Variants in ELMO1 observed in about 807,000 individuals in gnomAD.
ELMO1 encodes engulfment and cell motility 1.
In ELMO1, 26 loss-of-function variants were observed where a neutral mutation model predicts 98.9. The observed-to-expected ratio is 0.26, with a 90% CI of 0.19 to 0.36. The LOEUF (loss-of-function observed/expected upper bound fraction) is 0.36. ELMO1 is among the 10% of genes least tolerant of loss of function. ELMO1 has a pLI of 1.00. For missense variants in ELMO1, 627 were observed against 935.2 expected (o/e 0.67, Z 4.30); for synonymous variants, 346 against 346.0 (o/e 1.00, Z 0.00).
At chr7:37,183,521 G>A (rs1411918869) in intron 13 of ELMO1, among the ~76,000 whole-genome samples, 3 of 150,714 alleles carry the variant, frequency 2.0e-5, no homozygotes, top group African/African-American at 7.3e-5. Flanking sequence ...GATAAGAAAG[G>A]CCTAGAAAAG....
rs188567412 is a variant in ELMO1, at chr7:37,054,130, T to C, written c.1301-40695A>G. Among the ~76,000 whole-genome samples, 218 of 152,354 alleles carry C rather than the reference T, an allele frequency of 1.4e-3. 1 individual carries two copies. The highest frequency in any genetic ancestry group is 5.1e-3 in the African/African-American group (212 of 41,576). On this transcript the variant is annotated intron_variant, in intron 15 of 21. Coordinates refer to ENST00000310758, the MANE Select transcript of ELMO1 (RefSeq NM_014800.11). The stretch of plus-strand genomic sequence containing the variant: ...TCCTTAAGCTAAATCCAAGATACAC[T>C]ATATTTAGGATACCTGTGTAATTTA...
At chr7:37,291,478 C>T (rs1797676226) in intron 4 of ELMO1, among the ~76,000 whole-genome samples, 1 of 152,162 alleles carries the variant, frequency 6.6e-6, no homozygotes, top group South Asian at 2.1e-4. Context: ...AACATATAAA[C>T]AACTCCTGTA....
Position 37,264,923 on chromosome 7 carries a change from C to T in ELMO1, c.244-5573G>A, listed in dbSNP as rs1796163012. ...TGCCAATTAAAAAGTAGTCTAAAAA[C>T]ATCCTTAGTTTCAACAGTTTAATAG... On this transcript the variant is annotated intron_variant, in intron 5 of 21. Coordinates refer to ENST00000310758, the MANE Select transcript of ELMO1 (RefSeq NM_014800.11). Among the ~76,000 whole-genome samples, 3 of 152,150 alleles carry T rather than the reference C, an allele frequency of 2.0e-5. No individual in the cohort carries two copies. The South Asian group carries it at 6.2e-4, about 32-fold the overall frequency.
At chr7:36,875,152 C>T (rs978505129) in intron 19 of ELMO1, among the ~76,000 whole-genome samples, 1 of 152,162 alleles carries the variant, frequency 6.6e-6, no homozygotes, top group Non-Finnish European at 1.5e-5. Context: ...AGGTTTCTGA[C>T]TTTTAAGAGT....
At chr7:37,324,534 C>T (rs186813247) in intron 2 of ELMO1, among the ~76,000 whole-genome samples, 3 of 152,296 alleles carry the variant, frequency 2.0e-5, no homozygotes, top group East Asian at 3.9e-4. Flanking sequence ...TTTTTATTGA[C>T]TACGTGTTTT....
chr7:37,184,412 C>T (rs1325432114), intron 13 of ELMO1, among the ~76,000 whole-genome samples: 2 of 152,134 alleles, frequency 1.3e-5, no homozygotes, highest in Non-Finnish European at 2.9e-5. Flanking sequence ...TCTCTGGCTA[C>T]CTTTGTGTTC....
chr7:37,081,199 A>T (rs1015547549), intron 15 of ELMO1, among the ~76,000 whole-genome samples: 2 of 152,178 alleles, frequency 1.3e-5, no homozygotes, highest in African/African-American at 2.4e-5. Flanking sequence ...CAATATAAAT[A>T]CCTGTCAATG....
At chr7:37,365,512 T>C (rs755256172) in intron 1 of ELMO1, among the ~76,000 whole-genome samples, 70 of 152,196 alleles carry the variant, frequency 4.6e-4, no homozygotes, top group Admixed American at 3.1e-3. Context: ...AGCCTTCTTC[T>C]ACCCATCATG....
intron 13 of ELMO1, among the ~76,000 whole-genome samples, chr7:37,175,811 C>A (rs1790467748): frequency 6.6e-6 from 1 of 152,144 alleles, no homozygotes; most frequent in African/African-American, 2.4e-5. Flanking sequence ...TGTACCACTG[C>A]ACTCCAGCCT....
At chr7:37,264,388 A>AC (rs1352484773) in intron 5 of ELMO1, among the ~76,000 whole-genome samples, 5 of 152,238 alleles carry the variant, frequency 3.3e-5, no homozygotes, top group African/African-American at 9.7e-5. Flanking sequence ...CAAATGGTCA[A>AC]AGAAGGCAAG....
chr7:37,394,980 C>G (rs894240837), intron 1 of ELMO1, among the ~76,000 whole-genome samples: 2 of 152,094 alleles, frequency 1.3e-5, no homozygotes, highest in Non-Finnish European at 2.9e-5. Flanking sequence ...CATTTTAGTT[C>G]CCAGTGTTAC....
At chr7:36,980,254 C>T (rs1258594647) in intron 16 of ELMO1, among the ~76,000 whole-genome samples, 1 of 152,148 alleles carries the variant, frequency 6.6e-6, no homozygotes, top group Non-Finnish European at 1.5e-5. Flanking sequence ...GAGGCAAGGA[C>T]ATAAGAGAGG....
intron 5 of ELMO1, among the ~76,000 whole-genome samples, chr7:37,268,950 G>A (rs1228945948): frequency 6.6e-6 from 1 of 152,228 alleles, no homozygotes; most frequent in Non-Finnish European, 1.5e-5. Context: ...GCACGCGCAG[G>A]CGTGTGTGTG....
chr7:37,337,825 G>A (rs1027621363), intron 2 of ELMO1, among the ~76,000 whole-genome samples: 2 of 152,094 alleles, frequency 1.3e-5, no homozygotes, highest in East Asian at 3.9e-4. Flanking sequence ...TTTATGCAGG[G>A]AACAGAAAAG....
At chr7:37,170,661 G>GT (rs1790090552) in intron 13 of ELMO1, among the ~76,000 whole-genome samples, 1 of 148,534 alleles carries the variant, frequency 6.7e-6, no homozygotes, top group South Asian at 2.1e-4. Context: ...CCAGGCAGGA[G>GT]TACAGCAGCG....
In ELMO1 at chr7:37,403,870, A is replaced by G. The variant is rs775002816; in HGVS notation, c.-74+44805T>C. 1.3e-4 allele frequency among the ~76,000 whole-genome samples: 20 copies of G among 152,276 alleles called. No individual in the cohort carries two copies. The East Asian group carries it at 3.7e-3, about 28-fold the overall frequency. On this transcript the variant is annotated intron_variant, in intron 1 of 21. Coordinates refer to ENST00000310758, the MANE Select transcript of ELMO1 (RefSeq NM_014800.11). ...CCATTATGCAATTGTCAAAACCCAT[A>G]GAACATACGACACAAAAAGTGAATC... is the stretch of plus-strand genomic sequence containing the variant.
At chr7:37,103,461 T>C (rs1204743404) in intron 14 of ELMO1, among the ~76,000 whole-genome samples, 6 of 135,402 alleles carry the variant, frequency 4.4e-5, no homozygotes, top group East Asian at 4.5e-4. Context: ...TAGGTGGAAA[T>C]TGAACAATAA....
intron 4 of ELMO1, among the ~76,000 whole-genome samples, chr7:37,297,635 A>T (rs2130999885): frequency 6.6e-6 from 1 of 152,146 alleles, no homozygotes; most frequent in East Asian, 1.9e-4. Context: ...AGAGAGAGGA[A>T]GATAAACAAT....
intron 15 of ELMO1, among the ~76,000 whole-genome samples, chr7:37,076,963 T>C (rs2129230940): frequency 6.6e-6 from 1 of 152,296 alleles, no homozygotes; most frequent in East Asian, 1.9e-4. Context: ...ACTGGGAGAT[T>C]TTACGGATTA....
Sources: allele counts gnomAD v4.1 joint callset (sites outside exome capture counted in the v4.1 genomes callset), GRCh38; gene constraint gnomAD v4.1.1; transcripts MANE v1.5; gene names NCBI Gene and HGNC (gene_info 2026-07-23, HGNC 2026-07-21).